IGSF3: variants seen among roughly 807,000 people sequenced by gnomAD.
The protein encoded by IGSF3 is glu-Trp-Ile EWI motif-containing protein 3.
In IGSF3, 23 loss-of-function variants were observed where a neutral mutation model predicts 114.4. That is an observed-to-expected ratio of 0.20 (90% CI 0.14 to 0.28). The LOEUF (loss-of-function observed/expected upper bound fraction) is 0.28. Among genes scored for constraint, IGSF3 ranks in the 10% least tolerant of loss-of-function variants. IGSF3 has a pLI of 1.00. For synonymous variants in IGSF3, 571 were observed against 645.2 expected (o/e 0.88, Z 1.74); for missense variants, 1,172 against 1,591.5 (o/e 0.74, Z 4.48).
rs754642470 is a variant in IGSF3 at position 116,638,945 on chromosome 1, C to T, written c.44-22488G>A. On this transcript the variant is annotated intron_variant, in intron 2 of 10. Coordinates refer to ENST00000369486, the MANE Select transcript of IGSF3 (RefSeq NM_001007237.3). The surrounding 1 kb of genome is among the most constrained non-coding windows in gnomAD (Gnocchi z 4.1). ...GCATGCTGAACCATTCCAGCTGCGC[C>T]ACTGCCCAGGAAAAAAGTCACAGGT... 6.6e-6 allele frequency among the ~76,000 whole-genome samples: 1 copy of T among 152,164 alleles called. No homozygotes were observed. Among genetic ancestry groups the T allele is most frequent in the Non-Finnish European group, 1.5e-5 (1 of 68,040 alleles).
rs374965707 is a variant in IGSF3, at chr1:116,613,004, C to T, written c.832+761G>A. On this transcript the variant is annotated intron_variant, in intron 4 of 10. Coordinates refer to ENST00000369486, the MANE Select transcript of IGSF3 (RefSeq NM_001007237.3). ...CATTTTGCCTCAGCTCTAAAGACAT[C>T]ATGCAACCTCCTCAGGACCCCTTCC... 2.4e-4 allele frequency among the ~76,000 whole-genome samples: 37 copies of T among 152,344 alleles called. No individual in the cohort carries two copies. The South Asian group carries it at 6.4e-3, about 26-fold the overall frequency.
rs547046491 is a variant in IGSF3 at position 116,592,021 on chromosome 1, T to A, written c.2030-2917A>T. On this transcript the variant is annotated intron_variant, in intron 7 of 10. Coordinates refer to ENST00000369486, the MANE Select transcript of IGSF3 (RefSeq NM_001007237.3). This position sits in a 1 kb window ranked among gnomAD's most constrained non-coding sequence, Gnocchi z 4.5. ...ATTCCTTTTTGGTTTCTGTGCCTTGTCCCAAGTTCAAAGTTCAACACTTAG... is the reference window on the plus strand; with the variant it reads ...ATTCCTTTTTGGTTTCTGTGCCTTGACCCAAGTTCAAAGTTCAACACTTAG... Among the ~76,000 whole-genome samples the A allele has an allele frequency of 1.6e-4, 25 of 152,308 alleles. No individual in the cohort carries two copies. The South Asian group carries it at 4.1e-3, about 25-fold the overall frequency.
Position 116,614,085 on chromosome 1 carries a change from G to C in IGSF3, c.512C>G (p.Ser171Ter), listed in dbSNP as rs1661127567. ...CAGGTGGCTGTGCTGAATGGTCTCTGAGGCCACCTCACAAGTGAGCTCCAG... is the reference window on the plus strand; with the variant it reads ...CAGGTGGCTGTGCTGAATGGTCTCTCAGGCCACCTCACAAGTGAGCTCCAG... ...DPLELTCEVASETIQHSHLSV... is the reference protein window; with the variant it reads ...DPLELTCEVA Residue 171 changes from serine (S) to a stop codon, truncating the protein, a stop_gained, in exon 4 of 11, where the codon TCA (serine) becomes TGA (stop). Transcript: ENST00000369486. LOFTEE classifies it high-confidence loss of function. The surrounding 1 kb of genome is among the most constrained non-coding windows in gnomAD (Gnocchi z 4.5). The C allele has an allele frequency of 6.2e-7, 1 of 1,614,146 alleles. No homozygotes were observed. The highest frequency in any genetic ancestry group is 8.5e-7 in the Non-Finnish European group (1 of 1,180,040).
chr1:116,601,860 A>AC (rs140680609), intron 6 of IGSF3, among the ~76,000 whole-genome samples: 6,769 of 152,262 alleles, frequency 0.044, 489 homozygotes, highest in African/African-American at 0.16. Flanking sequence ...CAGGACCCAC[A>AC]CCAGGTGCTC....
chr1:116,663,572 G>T (rs1162724106), intron 2 of IGSF3, among the ~76,000 whole-genome samples: 6 of 151,266 alleles, frequency 4.0e-5, no homozygotes, highest in African/African-American at 7.3e-5. Flanking sequence ...ACAACACACA[G>T]AGGTCAAGGG....
intron 7 of IGSF3, among the ~76,000 whole-genome samples, chr1:116,599,487 T>C (rs1660481908): frequency 6.6e-6 from 1 of 152,096 alleles, no homozygotes; most frequent in Non-Finnish European, 1.5e-5. Context: ...AAATGTGATG[T>C]GTGATCCCTG....
intron 2 of IGSF3, among the ~76,000 whole-genome samples, chr1:116,641,120 G>A (rs1648074961): frequency 6.6e-6 from 1 of 152,206 alleles, no homozygotes; most frequent in Non-Finnish European, 1.5e-5. Context: ...GCTGATAATT[G>A]TTGGAACTAG....
At chr1:116,660,098 T>C (rs1649048850) in intron 2 of IGSF3, among the ~76,000 whole-genome samples, 1 of 152,168 alleles carries the variant, frequency 6.6e-6, no homozygotes, top group South Asian at 2.1e-4. Context: ...TCATTATAAT[T>C]CAAACCAATT....
In IGSF3 at chr1:116,616,438, C is replaced by A. The variant is rs1302217575; in HGVS notation, c.63G>T (p.Arg21=). Residue 21 remains arginine (R), a synonymous_variant, in exon 3 of 11, where the codon CGG becomes CGT. Transcript: ENST00000369486. The surrounding 1 kb of genome is among the most constrained non-coding windows in gnomAD (Gnocchi z 6.6). The part of the protein sequence containing the change: ...LAVLGVVSAQ[R]QVTVQEGPLY... ...AGGGTCCTTCCTGAACGGTGACCTG[C>A]CGCTGTGCTGACACCACACCTACGA... 5 of 1,598,868 alleles carry A rather than the reference C, an allele frequency of 3.1e-6. No homozygotes were observed. Among genetic ancestry groups the A allele is most frequent in the South Asian group, 1.1e-5 (1 of 90,428 alleles).
In IGSF3 at chr1:116,664,925, C is replaced by T. The variant is rs758009936; in HGVS notation, c.43+1359G>A. 3.3e-5 allele frequency among the ~76,000 whole-genome samples: 5 copies of T among 152,234 alleles called. No individual in the cohort carries two copies. The highest frequency in any genetic ancestry group is 5.9e-5 in the Non-Finnish European group (4 of 68,040). On this transcript the variant is annotated intron_variant, in intron 2 of 10. Transcript: ENST00000369486. The surrounding 1 kb of genome is among the most constrained non-coding windows in gnomAD (Gnocchi z 4.6). ...CACTCCCTAAGCGAGTTTGGTTTCA[C>T]TGATCTGGGGTTGTTGCCTGAAATC... is the stretch of plus-strand genomic sequence containing the variant.
intron 2 of IGSF3, among the ~76,000 whole-genome samples, chr1:116,641,981 A>G (rs1648122567): frequency 1.3e-5 from 2 of 151,818 alleles, no homozygotes; most frequent in Non-Finnish European, 2.9e-5. Context: ...TTGGAGAGAC[A>G]GTGTCTCGAA....
In IGSF3 at chr1:116,607,881, C is replaced by A. The variant is rs182051229; in HGVS notation, c.1222+61G>T. The A allele has an allele frequency of 2.6e-6, 4 of 1,527,030 alleles. No homozygotes were observed. In the East Asian group the frequency reaches 9.0e-5, roughly 34 times the overall value. The allele number at this position is 1,527,030 out of a possible 1,614,324, so 94.6% of individuals were successfully genotyped here. On this transcript the variant is annotated intron_variant, in intron 5 of 10. Transcript: ENST00000369486. This position sits in a 1 kb window ranked among gnomAD's most constrained non-coding sequence, Gnocchi z 6.1. ...CCTTCACCACGCTATTCTCTCTCCC[C>A]CTACCTCTCCTAAATGATGCTGAGC...
chr1:116,638,959 A>G lies in IGSF3; in HGVS notation c.44-22502T>C, dbSNP rs1346277375. On this transcript the variant is annotated intron_variant, in intron 2 of 10. Transcript: ENST00000369486. The surrounding 1 kb of genome is among the most constrained non-coding windows in gnomAD (Gnocchi z 4.1). ...TCCAGCTGCGCCACTGCCCAGGAAA[A>G]AAGTCACAGGTAGGAAGACAAGCAT... Among the ~76,000 whole-genome samples, 2 of 152,206 alleles carry G rather than the reference A, an allele frequency of 1.3e-5. No homozygotes were observed. Among genetic ancestry groups the G allele is most frequent in the Non-Finnish European group, 2.9e-5 (2 of 68,040 alleles).
rs1376786583 is a variant in IGSF3, at chr1:116,667,647, G to C, written c.-660C>G. On this transcript the variant is annotated 5_prime_UTR_variant, in exon 1 of 11. Coordinates refer to ENST00000369486, the MANE Select transcript of IGSF3 (RefSeq NM_001007237.3). ...CCCCTGGCCCTCTCCCTCCGCGCGCGTCGGACCGTCCTTCAGTCCATCCAG... is the reference window on the plus strand; with the variant it reads ...CCCCTGGCCCTCTCCCTCCGCGCGCCTCGGACCGTCCTTCAGTCCATCCAG... 2 of 151,246 alleles carry C rather than the reference G, an allele frequency of 1.3e-5. No individual in the cohort carries two copies. The highest frequency in any genetic ancestry group is 4.8e-5 in the African/African-American group (2 of 41,266). 9.4% of individuals were successfully genotyped at this position (151,246 alleles called of 1,614,324 possible). A position where few individuals can be genotyped will look rare whatever the true frequency, so the allele number is the denominator to read the frequency against.
chr1:116,613,976 G>A lies in IGSF3; in HGVS notation c.621C>T (p.Ser207=). 1.9e-6 allele frequency: 3 copies of A among 1,614,014 alleles called. No homozygotes were observed. Among genetic ancestry groups the A allele is most frequent in the Non-Finnish European group, 2.5e-6 (3 of 1,179,902 alleles). Residue 207 remains serine (S), a synonymous_variant, in exon 4 of 11, where the codon AGC becomes AGT. Transcript: ENST00000369486. ...SLSRDFMLHS[S]SEYAQRQSLG... ...GGCTCTGCCTCTGGGCATATTCGCTGCTGGAGTGAAGCATGAAATCTCGGC... is the reference window on the plus strand; with the variant it reads ...GGCTCTGCCTCTGGGCATATTCGCTACTGGAGTGAAGCATGAAATCTCGGC...
intron 2 of IGSF3, among the ~76,000 whole-genome samples, chr1:116,645,161 A>T (rs1648302072): frequency 6.6e-6 from 1 of 152,246 alleles, no homozygotes; most frequent in Non-Finnish European, 1.5e-5. Context: ...ATAAAACGGA[A>T]CACTACTCAG....
chr1:116,614,174 C>T lies in IGSF3; in HGVS notation c.423G>A (p.Val141=), dbSNP rs1220276607. 6.2e-7 allele frequency: 1 copy of T among 1,605,306 alleles called. No individual in the cohort carries two copies. Among genetic ancestry groups the T allele is most frequent in the Non-Finnish European group, 8.5e-7 (1 of 1,173,824 alleles). Residue 141 remains valine (V), a splice_region_variant and synonymous_variant, in exon 4 of 11, where the codon GTG becomes GTA. Coordinates refer to ENST00000369486, the MANE Select transcript of IGSF3 (RefSeq NM_001007237.3). This position sits in a 1 kb window ranked among gnomAD's most constrained non-coding sequence, Gnocchi z 4.5. ...CAGTGGTCTGCAGGGAGTCTGGGAT[C>T]ACTGCAACACAGAAATGTCCTGAGA... ...GSYSAKMNLV[V]IPDSLQTTAM...
At chr1:116,613,646 C>G in intron 4 of IGSF3, 119 bp downstream of exon 4, 1 of 941,986 alleles carries the variant, frequency 1.1e-6, no homozygotes, top group Non-Finnish European at 1.6e-6. Context: ...GCTTTAACTT[C>G]ACATGAAAAC....
intron 5 of IGSF3, among the ~76,000 whole-genome samples, chr1:116,606,232 A>G (rs1660787260): frequency 6.6e-6 from 1 of 152,266 alleles, no homozygotes; most frequent in Admixed American, 6.5e-5. Context: ...GTGTGGAGTT[A>G]GAAGCAAATA....
Sources: gnomAD v4.1 joint callset for allele counts (sites outside exome capture counted in the v4.1 genomes callset) on GRCh38, gnomAD v4.1.1 for gene constraint, Gnocchi (gnomAD v3.1) non-coding constraint, MANE v1.5 for transcripts, NCBI Gene and HGNC (gene_info 2026-07-23, HGNC 2026-07-21) for gene names.